Variants in OTOA observed in about 807,000 individuals in gnomAD.
The protein encoded by OTOA is otoancorin.
Under a neutral mutation model 110.8 loss-of-function variants are expected in OTOA, and 70 were observed. The observed-to-expected ratio is 0.63, with a 90% CI of 0.52 to 0.77. OTOA has a LOEUF of 0.77. Among genes scored for constraint, OTOA ranks in the 30% least tolerant of loss-of-function variants. The pLI, the probability that OTOA is intolerant of heterozygous loss-of-function variation, is 0.00. For missense variants in OTOA, 917 were observed against 1,075.8 expected, an observed-to-expected ratio of 0.85 and a Z score of 2.06; for synonymous variants, 373 against 431.5, an observed-to-expected ratio of 0.86 and a Z score of 1.68.
intron 21 of OTOA, among the ~76,000 whole-genome samples, chr16:21,732,110 C>A (rs1226771024): frequency 6.6e-6 from 1 of 151,894 alleles, no homozygotes; most frequent in Non-Finnish European, 1.5e-5. Flanking sequence ...GGATTACAGG[C>A]CCCTGCCACT....
intron 13 of OTOA, among the ~76,000 whole-genome samples, chr16:21,712,784 G>T (rs1467541992): frequency 1.3e-5 from 2 of 152,046 alleles, no homozygotes; most frequent in East Asian, 3.9e-4. Flanking sequence ...GGCGGTGCTT[G>T]CAGTGAGCCG....
intron 1 of OTOA, among the ~76,000 whole-genome samples, chr16:21,671,840 C>T (rs1390369191): frequency 6.6e-6 from 1 of 151,988 alleles, no homozygotes; most frequent in Non-Finnish European, 1.5e-5. Flanking sequence ...AATCAAGATA[C>T]AAAAAATGGG....
intron 21 of OTOA, 44 bp from the exon 22 acceptor site, chr16:21,736,217 G>A: frequency 6.4e-7 from 1 of 1,557,914 alleles, no homozygotes. Flanking sequence ...TGTATTTAAG[G>A]GGTTTTAATT....
intron 11 of OTOA, among the ~76,000 whole-genome samples, chr16:21,704,535 T>C (rs1052022046): frequency 6.6e-6 from 1 of 152,106 alleles, no homozygotes; most frequent in Non-Finnish European, 1.5e-5. Context: ...ATAATGCAGG[T>C]AAACGGCTCA....
intron 10 of OTOA, among the ~76,000 whole-genome samples, chr16:21,699,841 C>A (rs1413272258): frequency 1.3e-5 from 2 of 152,042 alleles, no homozygotes; most frequent in Admixed American, 6.6e-5. Context: ...ATCACTTGAA[C>A]CCGGGAGGCT....
chr16:21,755,367 TA>T (rs1321166090), intron 27 of OTOA, among the ~76,000 whole-genome samples: 1 of 77,044 alleles, frequency 1.3e-5, no homozygotes, highest in African/African-American at 4.6e-5. Context: ...GCAACATTGA[TA>T]AAAGAGATAA....
chr16:21,683,142 G>A (rs576007540), intron 6 of OTOA, among the ~76,000 whole-genome samples: 25 of 152,288 alleles, frequency 1.6e-4, no homozygotes, highest in Middle Eastern at 3.4e-3. Context: ...ACTCAGTAGG[G>A]AACAAGGCAG....
At chr16:21,717,191 T>C (rs777878709) in intron 15 of OTOA, 144 bp downstream of exon 15, 22 of 1,257,566 alleles carry the variant, frequency 1.7e-5, no homozygotes, top group Non-Finnish European at 2.5e-5. Flanking sequence ...GTGTTAAGAA[T>C]TTGGACAGGC....
intron 9 of OTOA, among the ~76,000 whole-genome samples, chr16:21,694,993 G>C (rs752152961): frequency 6.6e-6 from 1 of 151,724 alleles, no homozygotes; most frequent in Non-Finnish European, 1.5e-5. Flanking sequence ...ATTCTTATAC[G>C]GTGCGCTTCA....
chr16:21,685,131 C>T, intron 6 of OTOA, 99 bp from the exon 7 acceptor site: 3 of 1,505,854 alleles, frequency 2.0e-6, no homozygotes, highest in Non-Finnish European at 9.1e-7. Context: ...GTGGTCTCTG[C>T]AGGGAATGAG....
chr16:21,724,329 A>T (rs1331141412), intron 18 of OTOA, among the ~76,000 whole-genome samples: 1 of 152,090 alleles, frequency 6.6e-6, no homozygotes, highest in Non-Finnish European at 1.5e-5. Context: ...TGCTGGATAG[A>T]GAGTTTAAGA....
At chr16:21,712,153 C>G (rs941332259) in intron 13 of OTOA, among the ~76,000 whole-genome samples, 5 of 151,654 alleles carry the variant, frequency 3.3e-5, no homozygotes, top group Non-Finnish European at 5.9e-5. Context: ...ATGGTGAAAC[C>G]CTGTCTCTAC....
At chr16:21,758,016 A>G (rs1312056294) in intron 28 of OTOA, among the ~76,000 whole-genome samples, 1 of 152,074 alleles carries the variant, frequency 6.6e-6, no homozygotes, top group Non-Finnish European at 1.5e-5. Flanking sequence ...AAGATAGATA[A>G]GGCCCTCTTG....
rs1319502603 is a variant in OTOA, at chr16:21,708,000, C to A, written c.1105-1888C>A. On this transcript the variant is annotated intron_variant, in intron 12 of 28. Transcript: ENST00000646100. ...GTAGAGACGGGGTTTCACCATGTGG[C>A]CAGGATGATCTCATTCTCTTAACCT... Among the ~76,000 whole-genome samples, 5 of 151,946 alleles carry A rather than the reference C, an allele frequency of 3.3e-5. No individual in the cohort carries two copies. The East Asian group carries it at 9.7e-4, about 30-fold the overall frequency.
chr16:21,704,685 G>A (rs1201343436), intron 11 of OTOA, among the ~76,000 whole-genome samples: 1 of 152,154 alleles, frequency 6.6e-6, no homozygotes, highest in African/African-American at 2.4e-5. Context: ...ATGCGCAATG[G>A]AAAACCAAAC....
intron 11 of OTOA, among the ~76,000 whole-genome samples, chr16:21,702,855 T>C (rs570081132): frequency 6.6e-6 from 1 of 152,230 alleles, no homozygotes; most frequent in African/African-American, 2.4e-5. Context: ...TCTGTATTTT[T>C]AGTAGAGACG....
intron 12 of OTOA, 144 bp downstream of exon 12, chr16:21,705,436 A>G: frequency 8.3e-7 from 1 of 1,211,638 alleles, no homozygotes; most frequent in Non-Finnish European, 1.2e-6. Flanking sequence ...TGGCATCTCA[A>G]ATACTGAGGT....
intron 1 of OTOA, among the ~76,000 whole-genome samples, chr16:21,674,896 C>CTTTTTT (rs60269668): frequency 3.4e-5 from 1 of 29,778 alleles, no homozygotes; most frequent in African/African-American, 1.8e-4. Context: ...TTTTAAAAAT[C>CTTTTTT]TTTTTTTTTT....
chr16:21,685,362 G>C lies in OTOA; in HGVS notation c.399+1G>C. The stretch of plus-strand genomic sequence containing the variant: ...CTTAGAAGACAAGAAGGACGGCTTG[G>C]TGAGGAGCCCTTGGCATCCCGGGGA... On this transcript the variant is annotated splice_donor_variant, in intron 7 of 28. Transcript: ENST00000646100. LOFTEE classifies it high-confidence loss of function. 2 of 1,610,924 alleles carry C rather than the reference G, an allele frequency of 1.2e-6. No homozygotes were observed. Among genetic ancestry groups the C allele is most frequent in the Non-Finnish European group, 1.7e-6 (2 of 1,178,102 alleles).
Sources: gnomAD v4.1 joint callset for allele counts (sites outside exome capture counted in the v4.1 genomes callset) on GRCh38, gnomAD v4.1.1 for gene constraint, MANE v1.5 for transcripts, NCBI Gene and HGNC (gene_info 2026-07-23, HGNC 2026-07-21) for gene names.